The following TAFA2 variants were observed in gnomAD, a reference collection of about 807,000 sequenced individuals.
The protein encoded by TAFA2 is chemokine-like protein TAFA-2.
In TAFA2, 7 loss-of-function variants were observed where a neutral mutation model predicts 18.8. The ratio of observed to expected loss-of-function variants is 0.37; its 90% CI spans 0.21 to 0.70. TAFA2 has a LOEUF of 0.70. Among genes scored for constraint, TAFA2 ranks in the 30% least tolerant of loss-of-function variants. The pLI is 0.53. For synonymous variants in TAFA2, 60 were observed against 54.2 expected (o/e 1.11, Z -0.47); for missense variants, 122 against 158.1 (o/e 0.77, Z 1.23).
chr12:62,209,058 C>G (rs990473127), intron 1 of TAFA2, among the ~76,000 whole-genome samples: 1 of 152,232 alleles, frequency 6.6e-6, no homozygotes, highest in African/African-American at 2.4e-5. Flanking sequence ...CCTCTACCCA[C>G]TTCCCCAACA....
intron 1 of TAFA2, among the ~76,000 whole-genome samples, chr12:62,079,370 T>C (rs1592322520): frequency 6.6e-6 from 1 of 151,994 alleles, no homozygotes; most frequent in East Asian, 1.9e-4. Context: ...AGTTTAACAG[T>C]GGCCGGGCGC....
At chr12:62,072,415 G>C (rs1292855075) in intron 1 of TAFA2, among the ~76,000 whole-genome samples, 1 of 151,820 alleles carries the variant, frequency 6.6e-6, no homozygotes, top group African/African-American at 2.4e-5. Context: ...GTTGCAGTGA[G>C]CCAAGATCGC....
chr12:61,732,210 AG>A (rs201675030), intron 4 of TAFA2, among the ~76,000 whole-genome samples: 2,242 of 152,198 alleles, frequency 0.015, 47 homozygotes, highest in African/African-American at 0.05. Context: ...TTTTAGGCAG[AG>A]GTAACAGCAT....
intron 1 of TAFA2, among the ~76,000 whole-genome samples, chr12:62,216,408 G>A (rs1025877687): frequency 5.3e-5 from 8 of 152,120 alleles, no homozygotes; most frequent in African/African-American, 1.9e-4. Context: ...TGTGGGTATT[G>A]GGGAAGTGGT....
At chr12:62,014,168 A>T (rs1880853636) in intron 1 of TAFA2, among the ~76,000 whole-genome samples, 1 of 152,232 alleles carries the variant, frequency 6.6e-6, no homozygotes, top group South Asian at 2.1e-4. Context: ...TCAGGCAATA[A>T]AATACAAAGA....
At chr12:61,951,229 C>T (rs1188355690) in intron 1 of TAFA2, among the ~76,000 whole-genome samples, 2 of 152,148 alleles carry the variant, frequency 1.3e-5, no homozygotes, top group Non-Finnish European at 2.9e-5. Context: ...TCCCCAACAG[C>T]TTCATATAAC....
At chr12:62,131,709 A>G (rs1184114221) in intron 1 of TAFA2, among the ~76,000 whole-genome samples, 2 of 152,024 alleles carry the variant, frequency 1.3e-5, no homozygotes, top group Non-Finnish European at 2.9e-5. Context: ...TGTTTCCACT[A>G]TCTAAAATGA....
In TAFA2 at chr12:62,106,383, C is replaced by T. The variant is rs571171757; in HGVS notation, c.-2+84876G>A. Among the ~76,000 whole-genome samples the T allele has an allele frequency of 2.6e-5, 4 of 151,846 alleles. No homozygotes were observed. The South Asian group carries it at 8.3e-4, about 32-fold the overall frequency. Reference sequence around the variant, plus strand: ...AAAAACAAAAAAACAAAAACAAAAACAAACGAACAAACAAAAACTATAAAG... The same window carrying T: ...AAAAACAAAAAAACAAAAACAAAAATAAACGAACAAACAAAAACTATAAAG... On this transcript the variant is annotated intron_variant, in intron 1 of 4. Transcript: ENST00000416284.
intron 4 of TAFA2, among the ~76,000 whole-genome samples, chr12:61,721,384 T>G (rs6581420): frequency 2.0e-5 from 3 of 151,970 alleles, no homozygotes; most frequent in African/African-American, 7.2e-5. Flanking sequence ...TTTGTGATCT[T>G]AACCATTCAT....
At chr12:62,245,986 A>T (rs1324296223) in intron 1 of TAFA2, among the ~76,000 whole-genome samples, 3 of 142,248 alleles carry the variant, frequency 2.1e-5, no homozygotes, top group African/African-American at 5.6e-5. Flanking sequence ...TTTTATTGTT[A>T]TTCCTTTTTT....
intron 1 of TAFA2, among the ~76,000 whole-genome samples, chr12:61,935,509 A>G (rs1044863593): frequency 2.0e-5 from 3 of 152,272 alleles, no homozygotes; most frequent in Middle Eastern, 3.4e-3. Context: ...TATACCATCA[A>G]CTCTAATTCT....
At chr12:61,970,584 G>A (rs949793309) in intron 1 of TAFA2, among the ~76,000 whole-genome samples, 5 of 151,008 alleles carry the variant, frequency 3.3e-5, no homozygotes, top group Non-Finnish European at 7.4e-5. Flanking sequence ...AATTTGGAAG[G>A]CTTTTGCAAC....
chr12:62,144,126 G>T (rs1480694352), intron 1 of TAFA2, among the ~76,000 whole-genome samples: 1 of 150,360 alleles, frequency 6.7e-6, no homozygotes, highest in Non-Finnish European at 1.5e-5. Flanking sequence ...TTCTCTGCAG[G>T]AAACAAATGG....
chr12:62,042,891 C>A (rs998333887), intron 1 of TAFA2, among the ~76,000 whole-genome samples: 1 of 152,066 alleles, frequency 6.6e-6, no homozygotes, highest in Non-Finnish European at 1.5e-5. Flanking sequence ...CAATGCAAGA[C>A]CGTCAGCACC....
intron 4 of TAFA2, among the ~76,000 whole-genome samples, chr12:61,718,872 A>G (rs1420216428): frequency 6.6e-6 from 1 of 152,228 alleles, no homozygotes; most frequent in Non-Finnish European, 1.5e-5. Flanking sequence ...AGCTTTAAAA[A>G]TTGTACTTTA....
intron 2 of TAFA2, among the ~76,000 whole-genome samples, chr12:61,843,314 T>C (rs916495549): frequency 6.6e-6 from 1 of 152,004 alleles, no homozygotes; most frequent in Non-Finnish European, 1.5e-5. Context: ...GCTGGTGTAC[T>C]GCTAGGGAAG....
chr12:61,842,219 C>G (rs952156777), intron 2 of TAFA2, among the ~76,000 whole-genome samples: 2 of 151,696 alleles, frequency 1.3e-5, no homozygotes, highest in African/African-American at 4.8e-5. Context: ...AAGAAGAGAA[C>G]AAAAATATGG....
At chr12:61,745,851 A>G (rs1471345080) in intron 4 of TAFA2, among the ~76,000 whole-genome samples, 1 of 152,080 alleles carries the variant, frequency 6.6e-6, no homozygotes, top group African/African-American at 2.4e-5. Flanking sequence ...GAGAAAGCCA[A>G]AAGAGCCCAC....
At chr12:61,747,740 A>G (rs1868796117) in intron 4 of TAFA2, among the ~76,000 whole-genome samples, 1 of 148,618 alleles carries the variant, frequency 6.7e-6, no homozygotes, top group Non-Finnish European at 1.5e-5. Flanking sequence ...GGGGAGGGAT[A>G]GCACTGGGAG....
Sources: allele counts gnomAD v4.1 joint callset (sites outside exome capture counted in the v4.1 genomes callset), GRCh38; gene constraint gnomAD v4.1.1; transcripts MANE v1.5; gene names NCBI Gene and HGNC (gene_info 2026-07-23, HGNC 2026-07-21).